PLEKHA4: variants seen among roughly 807,000 people sequenced by gnomAD.
The protein encoded by PLEKHA4 is pleckstrin homology domain-containing family A member 4.
In PLEKHA4, 73 loss-of-function variants were observed where a neutral mutation model predicts 94.7. That is an observed-to-expected ratio of 0.77 (90% CI 0.64 to 0.94). The LOEUF (loss-of-function observed/expected upper bound fraction) is 0.94. Among genes scored for constraint, PLEKHA4 ranks in the 40% least tolerant of loss-of-function variants. The pLI, the probability that PLEKHA4 is intolerant of heterozygous loss-of-function variation, is 0.00. For synonymous variants in PLEKHA4, 449 were observed against 437.1 expected (o/e 1.03, Z -0.34); for missense variants, 1,049 against 1,054.1 (o/e 1.00, Z 0.07).
intron 12 of PLEKHA4, 74 bp downstream of exon 12, chr19:48,853,608 G>C: frequency 7.3e-7 from 1 of 1,377,478 alleles, no homozygotes; most frequent in African/African-American, 1.5e-5. Context: ...AGCCCTCTGG[G>C]GCAGGTCCCC....
rs2035914610 is a variant in PLEKHA4, at chr19:48,845,006, G to C, written c.1743+364C>G. On this transcript the variant is annotated intron_variant, in intron 16 of 19. Transcript: ENST00000263265. ...ATTTTTGTACTTTTAGTAGAGACGG[G>C]GTTTCACCATGTTAGCCAGGCTGGT... 17 of 169,902 alleles carry C rather than the reference G, an allele frequency of 1.0e-4. No individual in the cohort carries two copies. In the South Asian group the frequency reaches 2.2e-3, roughly 22 times the overall value. 10.5% of individuals were successfully genotyped at this position (169,902 alleles called of 1,614,324 possible).
At position 48,839,053 on chromosome 19, in the gene PLEKHA4, G is replaced by T. The variant is rs1051641950; in HGVS notation, c.1964+152C>A. 3 of 458,756 alleles carry T rather than the reference G, an allele frequency of 6.5e-6. No homozygotes were observed. In the East Asian group the frequency reaches 9.9e-5, roughly 15 times the overall value. 28.4% of individuals were successfully genotyped at this position (458,756 alleles called of 1,614,324 possible). A position where few individuals can be genotyped will look rare whatever the true frequency, so the allele number is the denominator to read the frequency against. On this transcript the variant is annotated intron_variant, in intron 18 of 19. Coordinates refer to ENST00000263265, the MANE Select transcript of PLEKHA4 (RefSeq NM_020904.3). ...ATCACTACGGATCTAGGGCTTTCTG[G>T]TTTTGTTGCAGATGCCCCGGGAACT...
intron 16 of PLEKHA4, among the ~76,000 whole-genome samples, chr19:48,842,981 C>T (rs562863965): frequency 6.6e-6 from 1 of 152,250 alleles, no homozygotes; most frequent in East Asian, 1.9e-4. Context: ...CCCCTGAAAC[C>T]ACCCGGTTGG....
At chr19:48,859,405 C>G in intron 7 of PLEKHA4, 64 bp downstream of exon 7, 4 of 1,566,880 alleles carry the variant, frequency 2.6e-6, no homozygotes, top group Non-Finnish European at 3.5e-6. Context: ...AGGCCCGCCC[C>G]CAACCAGTTT....
chr19:48,850,393 A>G (rs1021168785), intron 13 of PLEKHA4, among the ~76,000 whole-genome samples: 1 of 151,992 alleles, frequency 6.6e-6, no homozygotes, highest in African/African-American at 2.4e-5. Flanking sequence ...AGTCTCAGCT[A>G]CTGGGGAAGC....
At chr19:48,865,720 T>A in intron 2 of PLEKHA4, 110 bp from the exon 3 acceptor site, 1 of 706,028 alleles carries the variant, frequency 1.4e-6, no homozygotes, top group East Asian at 2.7e-5. Flanking sequence ...CCCTGAGAAA[T>A]GGGTCAAGGA....
At position 48,837,615 on chromosome 19, in the gene PLEKHA4, C is replaced by T. The variant is rs1324594364; in HGVS notation, c.2078-64G>A. ...AGCGCTAGGACCCCGGATTCCCAGC[C>T]CCTCCTCCCTCAGACCCAGGACTCC... On this transcript the variant is annotated intron_variant, in intron 19 of 19. Transcript: ENST00000263265. The surrounding 1 kb of genome is among the most constrained non-coding windows in gnomAD (Gnocchi z 4.3). 6.4e-7 allele frequency: 1 copy of T among 1,573,812 alleles called. No homozygotes were observed. The highest frequency in any genetic ancestry group is 8.7e-7 in the Non-Finnish European group (1 of 1,154,224).
chr19:48,841,133 G>C lies in PLEKHA4; in HGVS notation c.1905+16C>G, dbSNP rs1368644409. The C allele has an allele frequency of 3.7e-6, 6 of 1,601,710 alleles. No individual in the cohort carries two copies. Among genetic ancestry groups the C allele is most frequent in the Non-Finnish European group, 5.1e-6 (6 of 1,174,108 alleles). ...ACTACCACCCCACCGCCCAGCCCCA[G>C]CCCTCCTCCCCTCACCCTTTGCTCC... On this transcript the variant is annotated intron_variant, in intron 17 of 19. Transcript: ENST00000263265.
intron 9 of PLEKHA4, among the ~76,000 whole-genome samples, chr19:48,856,148 G>A (rs1385377159): frequency 1.1e-4 from 16 of 149,400 alleles, no homozygotes; most frequent in Non-Finnish European, 1.9e-4. Flanking sequence ...TCCAGCCTGG[G>A]CAACAAGAGT....
intron 9 of PLEKHA4, among the ~76,000 whole-genome samples, chr19:48,854,849 G>A (rs1376955082): frequency 6.6e-6 from 1 of 151,632 alleles, no homozygotes; most frequent in Non-Finnish European, 1.5e-5. Context: ...ACAGATGCCA[G>A]CCACCGGTGC....
At chr19:48,850,035 AC>A (rs2036121123) in intron 13 of PLEKHA4, among the ~76,000 whole-genome samples, 1 of 151,728 alleles carries the variant, frequency 6.6e-6, no homozygotes, top group African/African-American at 2.4e-5. Context: ...ACATGGTGAA[AC>A]CCCGTCTCTA....
chr19:48,859,072 G>T lies in PLEKHA4; in HGVS notation c.760C>A (p.Arg254=). 6.8e-7 allele frequency: 1 copy of T among 1,462,166 alleles called. No individual in the cohort carries two copies. Among genetic ancestry groups the T allele is most frequent in the Non-Finnish European group, 9.1e-7 (1 of 1,095,314 alleles). 90.6% of individuals were successfully genotyped at this position (1,462,166 alleles called of 1,614,324 possible). ...SLPRPRSAPA[R]RPPAPSGDTA... is the part of the protein sequence containing the mutation. ...TCTCCTGAGGGGGCAGGGGGTCGCC[G>T]CGCAGGGGCAGAACGGGGACGGGGG... Residue 254 remains arginine, a synonymous_variant, in exon 8 of 20, where the codon CGG becomes AGG. Coordinates refer to ENST00000263265, the MANE Select transcript of PLEKHA4 (RefSeq NM_020904.3).
rs776654361 is a variant in PLEKHA4 at position 48,865,555 on chromosome 19, A to C, written c.140T>G (p.Leu47Arg). 10 of 1,613,978 alleles carry C rather than the reference A, an allele frequency of 6.2e-6. No homozygotes were observed. The South Asian group carries it at 1.1e-4, about 18-fold the overall frequency. The change falls in exon 3 of 20, where the codon CTC becomes CGC. Residue 47 changes from leucine to arginine, a missense_variant. Physicochemically the swap from Leu to Arg is moderately radical, Grantham distance 102 (BLOSUM62 -2). Coordinates refer to ENST00000263265, the MANE Select transcript of PLEKHA4 (RefSeq NM_020904.3). ...CACGGGAAGGTTGGGATCCCTCCTG[A>C]GCGCATTGCCTCTCTTCCCAAAGGC... Reference protein sequence around the residue: ...IHAFGKRGNALRRDPNLPVHI... With the variant: ...IHAFGKRGNARRRDPNLPVHI...
Position 48,853,729 on chromosome 19 carries a change from G to T in PLEKHA4, c.1279C>A (p.Gln427Lys). 1 of 1,609,490 alleles carries T rather than the reference G, an allele frequency of 6.2e-7. No homozygotes were observed. Among genetic ancestry groups the T allele is most frequent in the Non-Finnish European group, 8.5e-7 (1 of 1,178,582 alleles). The part of the protein sequence containing the change: ...GRAWGRQRLL[Q>K]DRLVSVRATL... ...GCCCTCACACTGACCAGCCGGTCCT[G>T]CAAGAGGCGCTGGCGACCCCAGGCC... The change falls in exon 12 of 20, where the codon CAG becomes AAG. Residue 427 changes from glutamine to lysine, a missense_variant. Transcript: ENST00000263265.
At position 48,859,523 on chromosome 19, in the gene PLEKHA4, C is replaced by A; in HGVS notation, c.638G>T (p.Ser213Ile). ...GRGRPRLLTP[S>I]PTTDLHSGLQ... ...TCCAGAGTGGAGGTCGGTTGTGGGG[C>A]TGGGAGTGAGCAGCCTGGGTCTACC... The change falls in exon 7 of 20, where the codon AGC becomes ATC. Residue 213 changes from serine to isoleucine, a missense_variant. Ser to Ile is a moderately radical substitution (Grantham distance 142, BLOSUM62 -2). Coordinates refer to ENST00000263265, the MANE Select transcript of PLEKHA4 (RefSeq NM_020904.3). 6.2e-7 allele frequency: 1 copy of A among 1,614,016 alleles called. No homozygotes were observed. Among genetic ancestry groups the A allele is most frequent in the African/African-American group, 1.3e-5 (1 of 75,044 alleles).
intron 16 of PLEKHA4, among the ~76,000 whole-genome samples, chr19:48,843,638 G>T (rs140539463): frequency 6.6e-6 from 1 of 151,590 alleles, no homozygotes. Flanking sequence ...GCACCACCAC[G>T]CACAGCTAAC....
chr19:48,847,859 G>T, intron 14 of PLEKHA4, 41 bp downstream of exon 14: 1 of 1,523,816 alleles, frequency 6.6e-7, no homozygotes, highest in Admixed American at 2.2e-5. Flanking sequence ...GGACAGGTGG[G>T]ACATGAAGCT....
chr19:48,857,415 T>C lies in PLEKHA4; in HGVS notation c.1047+7A>G. 1.4e-6 allele frequency: 2 copies of C among 1,478,724 alleles called. No individual in the cohort carries two copies. The highest frequency in any genetic ancestry group is 2.3e-5 in the Admixed American group (1 of 44,044). 91.6% of individuals were successfully genotyped at this position (1,478,724 alleles called of 1,614,324 possible). A position where few individuals can be genotyped will look rare whatever the true frequency, so the allele number is the denominator to read the frequency against. Reference sequence around the variant, plus strand: ...CCGGTAGATTTAGGGTACTCCAGGATACCTACCAATAAAACCATGGAGGCC... The same window carrying C: ...CCGGTAGATTTAGGGTACTCCAGGACACCTACCAATAAAACCATGGAGGCC... On this transcript the variant is annotated splice_region_variant and intron_variant, in intron 9 of 19. Transcript: ENST00000263265.
intron 6 of PLEKHA4, chr19:48,860,004 C>T: frequency 1.8e-6 from 1 of 559,462 alleles, no homozygotes; most frequent in Non-Finnish European, 3.1e-6. Flanking sequence ...TTTTTAAAAT[C>T]TGATACTATC....
Sources: allele counts gnomAD v4.1 joint callset (sites outside exome capture counted in the v4.1 genomes callset), GRCh38; gene constraint gnomAD v4.1.1; non-coding constraint Gnocchi (gnomAD v3.1); transcripts MANE v1.5; gene names NCBI Gene and HGNC (gene_info 2026-07-23, HGNC 2026-07-21).